The following TMEM45B variants were observed in gnomAD, a reference collection of about 807,000 sequenced individuals.
TMEM45B encodes the protein transmembrane protein 45B.
A neutral mutation model predicts 27.3 loss-of-function variants in TMEM45B; 29 were observed. The ratio of observed to expected loss-of-function variants is 1.06; its 90% CI spans 0.79 to 1.45. TMEM45B has a LOEUF of 1.45. Among genes scored for constraint, TMEM45B ranks in the 40% most tolerant of loss-of-function variants. The pLI is 0.00. For synonymous variants in TMEM45B, 143 were observed against 134.7 expected (o/e 1.06, Z -0.43); for missense variants, 348 against 343.9 (o/e 1.01, Z -0.09).
intron 1 of TMEM45B, among the ~76,000 whole-genome samples, chr11:129,848,891 C>T (rs1307814032): frequency 6.6e-6 from 1 of 152,162 alleles, no homozygotes; most frequent in African/African-American, 2.4e-5. Flanking sequence ...CCATTCAGCC[C>T]TTTATAAGGG....
intron 1 of TMEM45B, among the ~76,000 whole-genome samples, chr11:129,827,733 C>T (rs1204429152): frequency 3.3e-5 from 5 of 152,064 alleles, no homozygotes; most frequent in African/African-American, 9.7e-5. Context: ...AACTGGGAGG[C>T]GGAGGTTGCC....
At chr11:129,816,344 A>G (rs1193983460) in intron 1 of TMEM45B, among the ~76,000 whole-genome samples, 1 of 152,060 alleles carries the variant, frequency 6.6e-6, no homozygotes, top group Non-Finnish European at 1.5e-5. Context: ...CTGGGCTGTG[A>G]CCAGTCACAG....
intron 1 of TMEM45B, among the ~76,000 whole-genome samples, chr11:129,839,552 G>C (rs1288425453): frequency 6.6e-6 from 1 of 152,214 alleles, no homozygotes; most frequent in Non-Finnish European, 1.5e-5. Flanking sequence ...TTTGGAGACA[G>C]GGTCTCACTG....
chr11:129,823,923 C>A (rs1323922261), intron 1 of TMEM45B, among the ~76,000 whole-genome samples: 1 of 152,172 alleles, frequency 6.6e-6, no homozygotes, highest in Non-Finnish European at 1.5e-5. Flanking sequence ...TCGGCCTGCA[C>A]TTTGATCCAG....
Position 129,848,477 on chromosome 11 carries a change from C to T in TMEM45B, c.-8-3998C>T, listed in dbSNP as rs903752115. ...AGATGGCAGCAGCACAGTCCAGCTT[C>T]GGCTCGGCATGAAAGGGAGACCGTG... is the stretch of plus-strand genomic sequence containing the variant. On this transcript the variant is annotated intron_variant, in intron 1 of 5. Transcript: ENST00000281441. 5.3e-5 allele frequency among the ~76,000 whole-genome samples: 8 copies of T among 152,202 alleles called. No homozygotes were observed. In the East Asian group the frequency reaches 1.4e-3, roughly 26 times the overall value.
chr11:129,838,322 C>T (rs901963372), intron 1 of TMEM45B, among the ~76,000 whole-genome samples: 1 of 152,082 alleles, frequency 6.6e-6, no homozygotes, highest in African/African-American at 2.4e-5. Flanking sequence ...CCGGTCTCCA[C>T]CCAGAGAAGC....
rs77168782 is a variant in TMEM45B, at chr11:129,853,554, A to G, written c.178+894A>G. 1.8e-4 allele frequency among the ~76,000 whole-genome samples: 27 copies of G among 152,336 alleles called. No individual in the cohort carries two copies. The East Asian group carries it at 5.0e-3, about 28-fold the overall frequency. The stretch of plus-strand genomic sequence containing the variant: ...TGGCTTAAAGGATCAGGACAGCATC[A>G]ACCTTGCCTAAATAAAGCTAGGACA... On this transcript the variant is annotated intron_variant, in intron 2 of 5. Transcript: ENST00000281441.
rs1947968448 is a variant in TMEM45B at position 129,858,823 on chromosome 11, G to A, written c.*138G>A. On this transcript the variant is annotated 3_prime_UTR_variant, in exon 6 of 6. Coordinates refer to ENST00000281441, the MANE Select transcript of TMEM45B (RefSeq NM_138788.5). ...CTCCTCATTCAACACAGGGCTGGAGGTTCTACAACAGGAAATCAGGCCTAC... is the reference window on the plus strand; with the variant it reads ...CTCCTCATTCAACACAGGGCTGGAGATTCTACAACAGGAAATCAGGCCTAC... The A allele has an allele frequency of 3.5e-6, 2 of 575,322 alleles. No homozygotes were observed. Among genetic ancestry groups the A allele is most frequent in the African/African-American group, 1.9e-5 (1 of 52,804 alleles). 35.6% of individuals were successfully genotyped at this position (575,322 alleles called of 1,614,324 possible).
rs755705345 is a variant in TMEM45B at position 129,855,834 on chromosome 11, T to A, written c.512T>A (p.Ile171Asn). The stretch of plus-strand genomic sequence containing the variant: ...CTAGAGGTGATCTTCCGGGACCACA[T>A]TGTGCTGGAACTTTTCCGAACCAGT... Reference protein sequence around the residue: ...ISLEVIFRDHIVLELFRTSLI... With the variant: ...ISLEVIFRDHNVLELFRTSLI... Residue 171 changes from isoleucine (I) to asparagine (N), a missense_variant, in exon 4 of 6, where the codon ATT (isoleucine) becomes AAT (asparagine). By Grantham distance (149) the Ile-to-Asn change is moderately radical. Transcript: ENST00000281441. The A allele has an allele frequency of 6.2e-7, 1 of 1,614,154 alleles. No homozygotes were observed. Among genetic ancestry groups the A allele is most frequent in the Non-Finnish European group, 8.5e-7 (1 of 1,180,020 alleles).
At position 129,857,402 on chromosome 11, in the gene TMEM45B, C is replaced by T. The variant is rs1947945334; in HGVS notation, c.660C>T (p.Cys220=). The part of the protein sequence containing the change: ...ANLMFITMCF[C]WHYLAALSIV... Reference sequence around the variant, plus strand: ...TCATGTTCATCACCATGTGCTTCTGCTGGCACTACCTGGCTGCCCTCAGCA... The same window carrying T: ...TCATGTTCATCACCATGTGCTTCTGTTGGCACTACCTGGCTGCCCTCAGCA... The change falls in exon 5 of 6, where the codon TGC becomes TGT. Residue 220 remains cysteine, a synonymous_variant. Coordinates refer to ENST00000281441, the MANE Select transcript of TMEM45B (RefSeq NM_138788.5). The T allele has an allele frequency of 3.7e-6, 6 of 1,614,192 alleles. No individual in the cohort carries two copies. Among genetic ancestry groups the T allele is most frequent in the Non-Finnish European group, 5.1e-6 (6 of 1,180,024 alleles).
chr11:129,816,904 AT>A (rs1220313524), intron 1 of TMEM45B, among the ~76,000 whole-genome samples: 3 of 137,086 alleles, frequency 2.2e-5, no homozygotes, highest in African/African-American at 8.3e-5. Context: ...CGCCCGGCTA[AT>A]TTTTTGTATT....
At position 129,858,710 on chromosome 11, in the gene TMEM45B, T is replaced by C. The variant is rs1212404220; in HGVS notation, c.*25T>C. On this transcript the variant is annotated 3_prime_UTR_variant, in exon 6 of 6. Transcript: ENST00000281441. ...AGCCGAGATGCGGAGGGCGCAGATG[T>C]CCCACTGCACAGCTGGAATGAATGG... The C allele has an allele frequency of 9.4e-6, 14 of 1,491,882 alleles. No homozygotes were observed. The highest frequency in any genetic ancestry group is 1.3e-5 in the Non-Finnish European group (14 of 1,093,594). 92.4% of individuals were successfully genotyped at this position (1,491,882 alleles called of 1,614,324 possible).
intron 4 of TMEM45B, 137 bp from the exon 5 acceptor site, chr11:129,857,176 G>C (rs1269431366): frequency 9.9e-7 from 1 of 1,005,376 alleles, no homozygotes; most frequent in Admixed American, 2.2e-5. Context: ...ATGTGAAAAG[G>C]CCTTTCTATG....
At chr11:129,857,506 A>C in intron 5 of TMEM45B, 48 bp downstream of exon 5, 1 of 1,606,680 alleles carries the variant, frequency 6.2e-7, no homozygotes, top group Non-Finnish European at 8.5e-7. Flanking sequence ...TCTAAGCAGG[A>C]CTGATGTGAT....
At chr11:129,855,019 A>G (rs1437576517) in intron 3 of TMEM45B, among the ~76,000 whole-genome samples, 1 of 152,192 alleles carries the variant, frequency 6.6e-6, no homozygotes, top group Admixed American at 6.5e-5. Context: ...AGCTCATGAA[A>G]GCTTTGAGGC....
intron 1 of TMEM45B, among the ~76,000 whole-genome samples, chr11:129,833,907 C>G (rs1402608466): frequency 6.6e-6 from 1 of 152,216 alleles, no homozygotes; most frequent in Non-Finnish European, 1.5e-5. Flanking sequence ...GCATTGGTCT[C>G]AGACTTCTAG....
chr11:129,848,767 A>T (rs1947803892), intron 1 of TMEM45B, among the ~76,000 whole-genome samples: 1 of 152,108 alleles, frequency 6.6e-6, no homozygotes, highest in Admixed American at 6.5e-5. Context: ...GAACAAATTT[A>T]TTTCTCACAG....
chr11:129,816,049 G>A (rs1947346268), intron 1 of TMEM45B, among the ~76,000 whole-genome samples, 151 bp downstream of exon 1: 1 of 152,166 alleles, frequency 6.6e-6, no homozygotes, highest in Non-Finnish European at 1.5e-5. Flanking sequence ...GGGGCTCTGG[G>A]ACAGGGGTGA....
At chr11:129,821,554 A>G (rs1397312595) in intron 1 of TMEM45B, among the ~76,000 whole-genome samples, 3 of 152,190 alleles carry the variant, frequency 2.0e-5, no homozygotes, top group Non-Finnish European at 4.4e-5. Context: ...TATAAGATTC[A>G]GGCCCCATAA....
Sources: allele counts gnomAD v4.1 joint callset (sites outside exome capture counted in the v4.1 genomes callset), GRCh38; gene constraint gnomAD v4.1.1; transcripts MANE v1.5; gene names NCBI Gene and HGNC (gene_info 2026-07-23, HGNC 2026-07-21).